ABAT: variants seen among roughly 807,000 people sequenced by gnomAD.
ABAT encodes the protein 4-aminobutyrate aminotransferase, mitochondrial.
A neutral mutation model predicts 64.6 loss-of-function variants in ABAT; 45 were observed. The observed-to-expected ratio is 0.70, with a 90% CI of 0.55 to 0.89. ABAT has a LOEUF of 0.89. ABAT is among the 40% of genes least tolerant of loss of function. The pLI is 0.00. For synonymous variants in ABAT, 297 were observed against 250.5 expected (o/e 1.19, Z -1.75); for missense variants, 633 against 658.4 (o/e 0.96, Z 0.42).
intron 1 of ABAT, among the ~76,000 whole-genome samples, chr16:8,695,050 C>A (rs1254141256): frequency 6.6e-6 from 1 of 152,214 alleles, no homozygotes. Flanking sequence ...GAGGTGATGA[C>A]CCTTTAGTAC....
Position 8,735,825 on chromosome 16 carries a change from C to T in ABAT, c.70+16C>T. On this transcript the variant is annotated intron_variant, in intron 2 of 15. Transcript: ENST00000268251. Reference sequence around the variant, plus strand: ...CTGGTGCCTGGTAAGCCCCGGGGGTCTTGATAAGAACTGGTACTAATGGAA... The same window carrying T: ...CTGGTGCCTGGTAAGCCCCGGGGGTTTTGATAAGAACTGGTACTAATGGAA... 6.3e-7 allele frequency: 1 copy of T among 1,589,378 alleles called. No individual in the cohort carries two copies. Among genetic ancestry groups the T allele is most frequent in the Non-Finnish European group, 8.6e-7 (1 of 1,166,902 alleles).
chr16:8,764,655 G>C lies in ABAT; in HGVS notation c.448-83G>C, dbSNP rs2059891305. ...TCTGTCTGTCCCCGGTACGGCCCCT[G>C]CGAAGATTCAGCTCCAGCCAGGGGA... On this transcript the variant is annotated intron_variant, in intron 7 of 15. Transcript: ENST00000268251. The surrounding 1 kb of genome is among the most constrained non-coding windows in gnomAD (Gnocchi z 4.2). 1 of 1,323,972 alleles carries C rather than the reference G, an allele frequency of 7.6e-7. No individual in the cohort carries two copies. Among genetic ancestry groups the C allele is most frequent in the African/African-American group, 1.4e-5 (1 of 69,190 alleles). 82.0% of individuals were successfully genotyped at this position (1,323,972 alleles called of 1,614,324 possible).
At chr16:8,721,489 G>A (rs1169613521) in intron 1 of ABAT, among the ~76,000 whole-genome samples, 1 of 152,164 alleles carries the variant, frequency 6.6e-6, no homozygotes, top group Non-Finnish European at 1.5e-5. Context: ...TAAGCTTCTG[G>A]TGAGCGAGCG....
At chr16:8,746,734 C>A (rs970783817) in intron 3 of ABAT, among the ~76,000 whole-genome samples, 2 of 151,922 alleles carry the variant, frequency 1.3e-5, no homozygotes, top group African/African-American at 2.4e-5. Context: ...GAAAAAGAAG[C>A]CAACGAGGGC....
chr16:8,728,026 G>A (rs976748358), intron 1 of ABAT, among the ~76,000 whole-genome samples: 7 of 152,112 alleles, frequency 4.6e-5, no homozygotes, highest in Non-Finnish European at 7.4e-5. Context: ...AGCCCTGATC[G>A]CCCCACTGCA....
chr16:8,778,776 C>CAAAAAAA (rs71152934), intron 14 of ABAT, among the ~76,000 whole-genome samples: 1 of 133,642 alleles, frequency 7.5e-6, no homozygotes, highest in Non-Finnish European at 1.6e-5. Flanking sequence ...GACTCCATCT[C>CAAAAAAA]AAAAAAAAAA....
chr16:8,759,126 T>TAAA (rs2059727246), intron 6 of ABAT, among the ~76,000 whole-genome samples: 1 of 151,650 alleles, frequency 6.6e-6, no homozygotes, highest in Non-Finnish European at 1.5e-5. Flanking sequence ...ATAATAATAA[T>TAAA]AAATAAAAAG....
intron 10 of ABAT, 71 bp from the exon 11 acceptor site, chr16:8,768,754 T>A: frequency 6.2e-7 from 1 of 1,606,196 alleles, no homozygotes; most frequent in Non-Finnish European, 8.5e-7. Flanking sequence ...ATGTCTATCA[T>A]CTCCTTTACA....
At chr16:8,743,807 T>A (rs1369586290) in intron 2 of ABAT, among the ~76,000 whole-genome samples, 1 of 151,856 alleles carries the variant, frequency 6.6e-6, no homozygotes, top group Non-Finnish European at 1.5e-5. Flanking sequence ...TTCCCTAGTT[T>A]GGTACAATTA....
intron 6 of ABAT, among the ~76,000 whole-genome samples, chr16:8,759,369 A>T (rs1894861): frequency 0.56 from 83,735 of 149,800 alleles, 23,696 homozygotes; most frequent in Admixed American, 0.64. Context: ...AGAGTAAAAA[A>T]TTTTTTTTTT....
chr16:8,695,687 C>T (rs190985741), intron 1 of ABAT, among the ~76,000 whole-genome samples: 9 of 152,246 alleles, frequency 5.9e-5, no homozygotes, highest in East Asian at 3.9e-4. Flanking sequence ...TCTTTGCCTC[C>T]GTTTTCTCAT....
rs145294748 is a variant in ABAT, at chr16:8,700,328, G to A, written c.-42+25617G>A. Among the ~76,000 whole-genome samples the A allele has an allele frequency of 1.5e-3, 225 of 152,230 alleles. 1 individual carries two copies. The highest frequency in any genetic ancestry group is 2.4e-3 in the Non-Finnish European group (163 of 68,020). On this transcript the variant is annotated intron_variant, in intron 1 of 15. Coordinates refer to ENST00000268251, the MANE Select transcript of ABAT (RefSeq NM_020686.6). Reference sequence around the variant, plus strand: ...TTCCTCCTTTTATCTGTAAGTTGATGAATAACTTAACATAGCAAAGTGCAC... The same window carrying A: ...TTCCTCCTTTTATCTGTAAGTTGATAAATAACTTAACATAGCAAAGTGCAC...
intron 1 of ABAT, among the ~76,000 whole-genome samples, chr16:8,705,234 C>A (rs2057912805): frequency 6.6e-6 from 1 of 152,116 alleles, no homozygotes; most frequent in Non-Finnish European, 1.5e-5. Flanking sequence ...GAAGGGGAAG[C>A]AGGCACCTTC....
intron 12 of ABAT, among the ~76,000 whole-genome samples, chr16:8,773,539 A>C (rs1242308159): frequency 6.6e-6 from 1 of 152,170 alleles, no homozygotes; most frequent in Non-Finnish European, 1.5e-5. Context: ...CCATCACCTA[A>C]AATATTTATC....
intron 2 of ABAT, among the ~76,000 whole-genome samples, chr16:8,741,467 T>G (rs900290053): frequency 6.6e-6 from 1 of 152,226 alleles, no homozygotes; most frequent in Non-Finnish European, 1.5e-5. Context: ...CCTCAGCGTC[T>G]TCTTCTGTAA....
intron 14 of ABAT, among the ~76,000 whole-genome samples, chr16:8,778,851 CCTAA>C (rs2060346318): frequency 6.6e-6 from 1 of 151,844 alleles, no homozygotes; most frequent in South Asian, 2.1e-4. Flanking sequence ...TTCATTTTAA[CCTAA>C]CTAATTATTT....
intron 1 of ABAT, chr16:8,714,832 T>C (rs2142113695): frequency 6.6e-6 from 1 of 152,478 alleles, no homozygotes; most frequent in Non-Finnish European, 1.5e-5. Flanking sequence ...CCAGTTCAAA[T>C]AGGAACAGAC....
intron 1 of ABAT, among the ~76,000 whole-genome samples, chr16:8,682,827 C>G (rs1396291441): frequency 6.6e-6 from 1 of 152,176 alleles, no homozygotes; most frequent in African/African-American, 2.4e-5. Context: ...CTTCTAGGAG[C>G]TAGCTAGAAA....
At chr16:8,733,901 G>A (rs926138242) in intron 1 of ABAT, among the ~76,000 whole-genome samples, 9 of 152,236 alleles carry the variant, frequency 5.9e-5, no homozygotes, top group Admixed American at 5.2e-4. Context: ...CTGACCTTTG[G>A]TGACTGGCTT....
Sources: allele counts gnomAD v4.1 joint callset (sites outside exome capture counted in the v4.1 genomes callset), GRCh38; gene constraint gnomAD v4.1.1; non-coding constraint Gnocchi (gnomAD v3.1); transcripts MANE v1.5; gene names NCBI Gene and HGNC (gene_info 2026-07-23, HGNC 2026-07-21).